Variants in PLEKHM2 observed in about 807,000 individuals in gnomAD.
PLEKHM2 encodes pleckstrin homology and RUN domain containing M2, also known as pleckstrin homology domain-containing family M member 2.
Under a neutral mutation model 116.3 loss-of-function variants are expected in PLEKHM2, and 77 were observed. That is an observed-to-expected ratio of 0.66 (90% CI 0.55 to 0.80). PLEKHM2 has a LOEUF of 0.80. Among genes scored for constraint, PLEKHM2 ranks in the 30% least tolerant of loss-of-function variants. The pLI is 0.00. For synonymous variants in PLEKHM2, 562 were observed against 571.0 expected (o/e 0.98, Z 0.22); for missense variants, 1,183 against 1,354.9 (o/e 0.87, Z 1.99).
intron 1 of PLEKHM2, among the ~76,000 whole-genome samples, chr1:15,687,085 A>G (rs1640788475): frequency 6.6e-6 from 1 of 151,634 alleles, no homozygotes; most frequent in African/African-American, 2.4e-5. Flanking sequence ...ACCGTGCCCG[A>G]CTACTTTTTG....
At chr1:15,725,276 G>A in intron 7 of PLEKHM2, 41 bp from the exon 8 acceptor site, 1 of 1,459,118 alleles carries the variant, frequency 6.9e-7, no homozygotes, top group Non-Finnish European at 9.4e-7. Flanking sequence ...GGACCCCGGG[G>A]GGTGCCTGAC....
intron 15 of PLEKHM2, 73 bp from the exon 16 acceptor site, chr1:15,731,119 C>T (rs1048361921): frequency 2.1e-5 from 23 of 1,120,694 alleles, no homozygotes; most frequent in Middle Eastern, 3.8e-4. Context: ...GGGAGGGGAA[C>T]CCTGGGACCT....
At position 15,729,011 on chromosome 1, in the gene PLEKHM2, C is replaced by A; in HGVS notation, c.1987-91C>A. On this transcript the variant is annotated intron_variant, in intron 12 of 19. Transcript: ENST00000375799. This position sits in a 1 kb window ranked among gnomAD's most constrained non-coding sequence, Gnocchi z 4.7. ...GTGGTGGCCCGGGGTGTGCTTCTTC[C>A]TCCCCAGCAAGCGCTCAGCCTGGCC... 1 of 1,225,024 alleles carries A rather than the reference C, an allele frequency of 8.2e-7. No homozygotes were observed. Among genetic ancestry groups the A allele is most frequent in the Non-Finnish European group, 1.2e-6 (1 of 853,182 alleles). The allele number at this position is 1,225,024 out of a possible 1,614,324, so 75.9% of individuals were successfully genotyped here. A position where few individuals can be genotyped will look rare whatever the true frequency, so the allele number is the denominator to read the frequency against.
Position 15,703,020 on chromosome 1 carries a change from G to A in PLEKHM2, c.61-13217G>A, listed in dbSNP as rs149648996. On this transcript the variant is annotated intron_variant, in intron 1 of 19. Transcript: ENST00000375799. Reference sequence around the variant, plus strand: ...GCTGGAATTACAGGCGTGAGCCACAGCGCCCAGCCCTCAGGTGGGGTCTAT... The same window carrying A: ...GCTGGAATTACAGGCGTGAGCCACAACGCCCAGCCCTCAGGTGGGGTCTAT... Among the ~76,000 whole-genome samples, 201 of 152,332 alleles carry A rather than the reference G, an allele frequency of 1.3e-3. 1 individual carries two copies. The highest frequency in any genetic ancestry group is 5.8e-4 in the East Asian group (3 of 5,184).
At chr1:15,718,076 ACAGT>A in intron 4 of PLEKHM2, 84 bp downstream of exon 4, 1 of 830,460 alleles carries the variant, frequency 1.2e-6, no homozygotes, top group South Asian at 1.5e-5. Context: ...TGCAGACAGC[ACAGT>A]GTGCCACATC....
At position 15,728,264 on chromosome 1, in the gene PLEKHM2, C is replaced by T. The variant is rs562966267; in HGVS notation, c.1831-3C>T. ...CCTGACCCTTGTCTGCTTCGGCCCC[C>T]AGATGATCCGGATGAGCACCGGGCA... is the stretch of plus-strand genomic sequence containing the variant. On this transcript the variant is annotated splice_region_variant and splice_polypyrimidine_tract_variant and intron_variant, in intron 10 of 19. Transcript: ENST00000375799. The surrounding 1 kb of genome is among the most constrained non-coding windows in gnomAD (Gnocchi z 5.9). 5.7e-5 allele frequency: 92 copies of T among 1,613,218 alleles called. 1 individual carries two copies. In the South Asian group the frequency reaches 9.0e-4, roughly 16 times the overall value.
In PLEKHM2 at chr1:15,719,910, A is replaced by G. The variant is rs754313190; in HGVS notation, c.642A>G (p.Pro214=). The G allele has an allele frequency of 3.1e-6, 5 of 1,612,618 alleles. No individual in the cohort carries two copies. In the African/African-American group the frequency reaches 5.3e-5, roughly 17 times the overall value. Residue 214 remains proline (P), a synonymous_variant, in exon 6 of 20, where the codon CCA becomes CCG. Coordinates refer to ENST00000375799, the MANE Select transcript of PLEKHM2 (RefSeq NM_015164.4). This position sits in a 1 kb window ranked among gnomAD's most constrained non-coding sequence, Gnocchi z 4.1. ...AGTGGGATGACAGTGCGATTGCCCC[A>G]TCTAGTGAGGGTGAGTGGCCCCAGG... ...NLEWDDSAIA[P]SSEDYDFGDV...
At position 15,733,777 on chromosome 1, in the gene PLEKHM2, C is replaced by A; in HGVS notation, c.2923-20C>A. ...TGGCCCTCAGTGGCCCTCATCTGTT[C>A]TCTGCACGCCCCAACACAGGTGGAC... On this transcript the variant is annotated intron_variant, in intron 19 of 19. Coordinates refer to ENST00000375799, the MANE Select transcript of PLEKHM2 (RefSeq NM_015164.4). 6.2e-7 allele frequency: 1 copy of A among 1,610,744 alleles called. No individual in the cohort carries two copies. The highest frequency in any genetic ancestry group is 8.5e-7 in the Non-Finnish European group (1 of 1,178,650).
rs552642427 is a variant in PLEKHM2 at position 15,729,447 on chromosome 1, G to A, written c.2075+257G>A. On this transcript the variant is annotated intron_variant, in intron 13 of 19. Coordinates refer to ENST00000375799, the MANE Select transcript of PLEKHM2 (RefSeq NM_015164.4). The surrounding 1 kb of genome is among the most constrained non-coding windows in gnomAD (Gnocchi z 4.7). ...CTAGCATGAGTTGTTGGACAGGAAGGCAGGCAGAGAGCCATGCTGCTGGGC... is the reference window on the plus strand; with the variant it reads ...CTAGCATGAGTTGTTGGACAGGAAGACAGGCAGAGAGCCATGCTGCTGGGC... Among the ~76,000 whole-genome samples, 1 of 152,292 alleles carries A rather than the reference G, an allele frequency of 6.6e-6. No homozygotes were observed. Among genetic ancestry groups the A allele is most frequent in the East Asian group, 1.9e-4 (1 of 5,182 alleles).
At chr1:15,713,541 G>A (rs1310868188) in intron 1 of PLEKHM2, among the ~76,000 whole-genome samples, 1 of 152,096 alleles carries the variant, frequency 6.6e-6, no homozygotes, top group Non-Finnish European at 1.5e-5. Context: ...ACTTAACCTC[G>A]TCTCTGTAAA....
At chr1:15,732,865 TC>T in intron 19 of PLEKHM2, 137 bp downstream of exon 19, 1 of 627,336 alleles carries the variant, frequency 1.6e-6, no homozygotes, top group African/African-American at 1.8e-5. Flanking sequence ...ACCAGGGCGC[TC>T]CTGCCTCAGC....
At chr1:15,709,097 C>T (rs912996421) in intron 1 of PLEKHM2, among the ~76,000 whole-genome samples, 16 of 152,068 alleles carry the variant, frequency 1.1e-4, no homozygotes, top group African/African-American at 3.4e-4. Flanking sequence ...CCAAGTTGTC[C>T]GACTCCAGAA....
chr1:15,718,867 T>C (rs1037068538), intron 5 of PLEKHM2, among the ~76,000 whole-genome samples: 2 of 152,134 alleles, frequency 1.3e-5, no homozygotes, highest in Non-Finnish European at 2.9e-5. Flanking sequence ...CCTATCCAAC[T>C]TGGAGAAAAG....
intron 1 of PLEKHM2, among the ~76,000 whole-genome samples, chr1:15,711,948 A>T (rs193290852): frequency 1.3e-5 from 2 of 151,880 alleles, no homozygotes; most frequent in African/African-American, 4.8e-5. Flanking sequence ...GAGAAACCCC[A>T]TCTCTACTAA....
intron 1 of PLEKHM2, among the ~76,000 whole-genome samples, chr1:15,705,613 C>T (rs1243753675): frequency 1.3e-5 from 2 of 152,122 alleles, no homozygotes; most frequent in Non-Finnish European, 1.5e-5. Flanking sequence ...TCCCTCATGC[C>T]CCACATTTAA....
rs2067990980 is a variant in PLEKHM2 at position 15,721,077 on chromosome 1, T to C, written c.653-252T>C. 4 of 450,186 alleles carry C rather than the reference T, an allele frequency of 8.9e-6. No individual in the cohort carries two copies. Among genetic ancestry groups the C allele is most frequent in the Middle Eastern group, 5.9e-4 (1 of 1,700 alleles). The allele number at this position is 450,186 out of a possible 1,614,324, so 27.9% of individuals were successfully genotyped here. A position where few individuals can be genotyped will look rare whatever the true frequency, so the allele number is the denominator to read the frequency against. On this transcript the variant is annotated intron_variant, in intron 6 of 19. Coordinates refer to ENST00000375799, the MANE Select transcript of PLEKHM2 (RefSeq NM_015164.4). This position sits in a 1 kb window ranked among gnomAD's most constrained non-coding sequence, Gnocchi z 5.1. Reference sequence around the variant, plus strand: ...CAGGCTTCTCTCTGCCAGAACCAGCTTCTGGATGTGGAAAGGGGTCACCCT... The same window carrying C: ...CAGGCTTCTCTCTGCCAGAACCAGCCTCTGGATGTGGAAAGGGGTCACCCT...
chr1:15,733,607 C>T (rs1244548334), intron 19 of PLEKHM2, among the ~76,000 whole-genome samples, 190 bp from the exon 20 acceptor site: 1 of 152,234 alleles, frequency 6.6e-6, no homozygotes, highest in Non-Finnish European at 1.5e-5. Context: ...GGGGGCACCA[C>T]CCCATCCTCA....
chr1:15,684,325 G>A lies in PLEKHM2; in HGVS notation c.-234G>A. On this transcript the variant is annotated 5_prime_UTR_variant, in exon 1 of 20. Coordinates refer to ENST00000375799, the MANE Select transcript of PLEKHM2 (RefSeq NM_015164.4). Reference sequence around the variant, plus strand: ...GCCGCCGCCGCCGCCGCGGCGCACAGCCCGCGGCCTCCTTCCCCGCCGGCC... The same window carrying A: ...GCCGCCGCCGCCGCCGCGGCGCACAACCCGCGGCCTCCTTCCCCGCCGGCC... 1 of 155,504 alleles carries A rather than the reference G, an allele frequency of 6.4e-6. No individual in the cohort carries two copies. The highest frequency in any genetic ancestry group is 2.4e-5 in the African/African-American group (1 of 41,160). 9.6% of individuals were successfully genotyped at this position (155,504 alleles called of 1,614,324 possible).
At position 15,729,714 on chromosome 1, in the gene PLEKHM2, G is replaced by C; in HGVS notation, c.2076-83G>C. ...CCCCCAAGTTTCTGTGACCCCTCCA[G>C]GCCAGCAGCGCTCAAGACTAAGCCC... On this transcript the variant is annotated intron_variant, in intron 13 of 19. Transcript: ENST00000375799. The surrounding 1 kb of genome is among the most constrained non-coding windows in gnomAD (Gnocchi z 4.7). The C allele has an allele frequency of 1.5e-6, 2 of 1,308,352 alleles. No individual in the cohort carries two copies. The highest frequency in any genetic ancestry group is 2.1e-6 in the Non-Finnish European group (2 of 948,260). The allele number at this position is 1,308,352 out of a possible 1,614,324, so 81.0% of individuals were successfully genotyped here.
Sources: gnomAD v4.1 joint callset for allele counts (sites outside exome capture counted in the v4.1 genomes callset) on GRCh38, gnomAD v4.1.1 for gene constraint, Gnocchi (gnomAD v3.1) non-coding constraint, MANE v1.5 for transcripts, NCBI Gene and HGNC (gene_info 2026-07-23, HGNC 2026-07-21) for gene names.